Variants in TK2 observed in about 807,000 individuals in gnomAD.
TK2 encodes the protein thymidine kinase 2, mitochondrial.
In TK2, 35 loss-of-function variants were observed where a neutral mutation model predicts 41.9. The observed-to-expected ratio is 0.84, with a 90% CI of 0.64 to 1.11. The LOEUF is 1.11. TK2 is among the 50% of genes least tolerant of loss of function. The pLI, the probability that TK2 is intolerant of heterozygous loss-of-function variation, is 0.00. For missense variants in TK2, 320 were observed against 351.1 expected, an observed-to-expected ratio of 0.91 and a Z score of 0.71; for synonymous variants, 128 against 129.1, an observed-to-expected ratio of 0.99 and a Z score of 0.06.
At chr16:66,531,698 C>T (rs900937343) in intron 4 of TK2, among the ~76,000 whole-genome samples, 4 of 152,082 alleles carry the variant, frequency 2.6e-5, no homozygotes, top group Admixed American at 2.6e-4. Context: ...GGAAAGTCTC[C>T]GAGGGACCGG....
intron 2 of TK2, among the ~76,000 whole-genome samples, chr16:66,546,039 G>A (rs963225991): frequency 1.1e-4 from 16 of 152,004 alleles, no homozygotes; most frequent in Non-Finnish European, 1.5e-4. Flanking sequence ...TGCACAGCCT[G>A]GGCAACATGT....
intron 3 of TK2, among the ~76,000 whole-genome samples, chr16:66,539,056 A>G (rs1965372535): frequency 6.6e-6 from 1 of 152,218 alleles, no homozygotes; most frequent in Non-Finnish European, 1.5e-5. Context: ...TGAACCCTCA[A>G]CACAGTGTTG....
At chr16:66,519,233 C>T (rs544966162) in intron 6 of TK2, among the ~76,000 whole-genome samples, 1 of 152,202 alleles carries the variant, frequency 6.6e-6, no homozygotes, top group Admixed American at 6.5e-5. Flanking sequence ...GGCTGGAGTG[C>T]AGTGGCGTGA....
intron 3 of TK2, among the ~76,000 whole-genome samples, chr16:66,541,567 AG>A (rs1965455311): frequency 6.6e-6 from 1 of 152,122 alleles, no homozygotes; most frequent in Non-Finnish European, 1.5e-5. Flanking sequence ...CTGGAGCTAC[AG>A]GCACGTACCA....
chr16:66,523,776 C>T (rs1964850494), intron 6 of TK2, among the ~76,000 whole-genome samples: 1 of 152,158 alleles, frequency 6.6e-6, no homozygotes, highest in African/African-American at 2.4e-5. Flanking sequence ...TTGCAGTGAG[C>T]TGAGATCGCC....
At chr16:66,526,917 G>A (rs959104836) in intron 6 of TK2, among the ~76,000 whole-genome samples, 1 of 152,156 alleles carries the variant, frequency 6.6e-6, no homozygotes, top group Non-Finnish European at 1.5e-5. Context: ...ACGGAGTCTC[G>A]CTCTGTTGCC....
At chr16:66,548,818 T>A in intron 2 of TK2, 160 bp downstream of exon 2, 1 of 688,568 alleles carries the variant, frequency 1.5e-6, no homozygotes, top group Non-Finnish European at 2.6e-6. Context: ...GTAACAGAGG[T>A]GGCCTTCTAG....
intron 9 of TK2, among the ~76,000 whole-genome samples, chr16:66,513,454 G>A (rs1397538101): frequency 1.3e-5 from 2 of 152,172 alleles, no homozygotes; most frequent in South Asian, 2.1e-4. Flanking sequence ...ACTGAGACCC[G>A]GGTCTAGAGT....
intron 4 of TK2, among the ~76,000 whole-genome samples, chr16:66,536,010 C>A (rs1169951362): frequency 8.5e-5 from 13 of 152,084 alleles, no homozygotes; most frequent in Admixed American, 3.3e-4. Context: ...TGGAGACCAT[C>A]CTGGCCAACA....
chr16:66,525,993 T>C (rs1407600392), intron 6 of TK2, among the ~76,000 whole-genome samples: 2 of 152,158 alleles, frequency 1.3e-5, no homozygotes, highest in African/African-American at 2.4e-5. Context: ...TCTAGACCAA[T>C]GCCGTAACCA....
At chr16:66,546,177 T>C (rs1307845732) in intron 2 of TK2, among the ~76,000 whole-genome samples, 2 of 152,102 alleles carry the variant, frequency 1.3e-5, no homozygotes, top group East Asian at 1.9e-4. Context: ...CTGCAGTAAG[T>C]TGTGATTGTG....
chr16:66,519,270 C>T (rs1964709115), intron 6 of TK2, among the ~76,000 whole-genome samples: 1 of 152,230 alleles, frequency 6.6e-6, no homozygotes, highest in African/African-American at 2.4e-5. Context: ...TCTCCGCCTC[C>T]TAGGTTCAAG....
intron 2 of TK2, among the ~76,000 whole-genome samples, chr16:66,547,562 C>A (rs1309897277): frequency 6.6e-6 from 1 of 152,148 alleles, no homozygotes; most frequent in Admixed American, 6.5e-5. Context: ...TCCCAGCAGG[C>A]AATAAGGCTT....
intron 2 of TK2, among the ~76,000 whole-genome samples, chr16:66,542,238 T>C (rs1337779808): frequency 6.6e-6 from 1 of 152,176 alleles, no homozygotes; most frequent in Non-Finnish European, 1.5e-5. Context: ...AGCCCAGCTC[T>C]GCCCTTCCTT....
At chr16:66,533,223 C>T (rs1396760025) in intron 4 of TK2, among the ~76,000 whole-genome samples, 1 of 151,392 alleles carries the variant, frequency 6.6e-6, no homozygotes, top group African/African-American at 2.4e-5. Flanking sequence ...GCATGCACCA[C>T]CACACCCAGC....
At chr16:66,549,260 C>T in intron 1 of TK2, 1 of 1,324,924 alleles carries the variant, frequency 7.5e-7, no homozygotes, top group East Asian at 3.0e-5. Flanking sequence ...TTATACTTTG[C>T]ATTTTCCACG....
At chr16:66,518,006 C>G (rs535728932) in intron 6 of TK2, 129 bp from the exon 7 acceptor site, 6 of 787,568 alleles carry the variant, frequency 7.6e-6, no homozygotes, top group Non-Finnish European at 1.1e-5. Flanking sequence ...CAGTGTGATC[C>G]GTGCAATACT....
chr16:66,528,298 T>G (rs1325015063), intron 6 of TK2, among the ~76,000 whole-genome samples: 1 of 152,152 alleles, frequency 6.6e-6, no homozygotes, highest in African/African-American at 2.4e-5. Context: ...AGCACAGGGA[T>G]GGAGGGCCCC....
intron 2 of TK2, chr16:66,548,033 G>A: frequency 2.8e-6 from 3 of 1,054,528 alleles, no homozygotes; most frequent in South Asian, 1.3e-5. Flanking sequence ...AGGAGTTGGA[G>A]GCCAGCCTGG....
Sources: gnomAD v4.1 joint callset for allele counts (sites outside exome capture counted in the v4.1 genomes callset) on GRCh38, gnomAD v4.1.1 for gene constraint, MANE v1.5 for transcripts, NCBI Gene and HGNC (gene_info 2026-07-23, HGNC 2026-07-21) for gene names.